UVRAG: variants seen among roughly 807,000 people sequenced by gnomAD.
UVRAG encodes UV radiation resistance-associated gene protein.
Under a neutral mutation model 78.0 loss-of-function variants are expected in UVRAG, and 19 were observed. That is an observed-to-expected ratio of 0.24 (90% confidence interval 0.17 to 0.36). UVRAG has a LOEUF of 0.36. Among genes scored for constraint, UVRAG ranks in the 10% least tolerant of loss-of-function variants. The probability of loss-of-function intolerance (pLI) is 1.00; values close to 1 mark genes in which losing one functional copy is unlikely to be tolerated. For missense variants in UVRAG, 740 were observed against 853.8 expected, an observed-to-expected ratio of 0.87 and a Z score of 1.66; for synonymous variants, 323 against 324.6, an observed-to-expected ratio of 1.00 and a Z score of 0.05.
At chr11:75,917,100 T>C (rs1027758203) in intron 6 of UVRAG, among the ~76,000 whole-genome samples, 4 of 152,222 alleles carry the variant, frequency 2.6e-5, no homozygotes, top group African/African-American at 9.6e-5. Flanking sequence ...AGGAAGGGAC[T>C]GTTATCATCT....
rs1952725008 is a variant in UVRAG, at chr11:76,141,597, ATT to A, written c.*187_*188del. ...ATTGTTATCAGTGGGCCAAAGTTAG[ATT>A]TTGCTTTCAAGATTTGCTTTTCGGG... On this transcript the variant is annotated 3_prime_UTR_variant, in exon 15 of 15. Coordinates refer to ENST00000356136, the MANE Select transcript of UVRAG (RefSeq NM_003369.4). 1 of 685,110 alleles carries A rather than the reference ATT, an allele frequency of 1.5e-6. No homozygotes were observed. Among genetic ancestry groups the A allele is most frequent in the Non-Finnish European group, 2.3e-6 (1 of 427,320 alleles). 42.4% of individuals were successfully genotyped at this position (685,110 alleles called of 1,614,324 possible).
chr11:76,127,209 G>A (rs185408578), intron 14 of UVRAG, among the ~76,000 whole-genome samples: 8 of 152,202 alleles, frequency 5.3e-5, no homozygotes, highest in African/African-American at 1.7e-4. Context: ...TGTGGATTTC[G>A]GTAATGTCTG....
chr11:75,880,915 CTTTT>C (rs1036399198), intron 4 of UVRAG, among the ~76,000 whole-genome samples: 2 of 112,142 alleles, frequency 1.8e-5, no homozygotes, highest in African/African-American at 6.5e-5. Flanking sequence ...TTCTTCCTTT[CTTTT>C]ATTTACTTCT....
chr11:76,076,708 A>G (rs926577790), intron 13 of UVRAG, among the ~76,000 whole-genome samples: 1 of 152,044 alleles, frequency 6.6e-6, no homozygotes, highest in Non-Finnish European at 1.5e-5. Context: ...AATGATGTTG[A>G]GTGTCATTAC....
Position 75,961,568 on chromosome 11 carries a change from A to G in UVRAG, c.699+19A>G, listed in dbSNP as rs2135203419. The G allele has an allele frequency of 6.5e-7, 1 of 1,543,154 alleles. No homozygotes were observed. Among genetic ancestry groups the G allele is most frequent in the Non-Finnish European group, 8.7e-7 (1 of 1,143,664 alleles). The stretch of plus-strand genomic sequence containing the variant: ...TGAACTGGTAGGTTTTTATGTATTT[A>G]CCTGTTTACACTTCTTGTTTTCTAA... On this transcript the variant is annotated intron_variant, in intron 7 of 14. Transcript: ENST00000356136.
chr11:75,949,714 T>TAC lies in UVRAG; in HGVS notation c.594-11714_594-11713dup, dbSNP rs1555093473. Among the ~76,000 whole-genome samples the TAC allele has an allele frequency of 9.1e-3, 1,246 of 136,854 alleles. 7 individuals carry two copies. Among genetic ancestry groups the TAC allele is most frequent in the South Asian group, 0.032 (141 of 4,432 alleles). The allele number at this position is 136,854 out of a possible 152,430, so 89.8% of individuals were successfully genotyped here. On this transcript the variant is annotated intron_variant, in intron 6 of 14. Transcript: ENST00000356136. The stretch of plus-strand genomic sequence containing the variant: ...ATACATATATATATATATATATATA[T>TAC]ACACACACACACACACATATACACA...
intron 3 of UVRAG, among the ~76,000 whole-genome samples, chr11:75,877,593 CT>C (rs1946825815): frequency 7.1e-6 from 1 of 140,336 alleles, no homozygotes; most frequent in South Asian, 2.4e-4. Context: ...TACGGGTCGG[CT>C]GGCCGGGCGG....
intron 13 of UVRAG, among the ~76,000 whole-genome samples, chr11:76,074,361 T>C (rs755334932): frequency 1.3e-5 from 2 of 152,202 alleles, no homozygotes; most frequent in Non-Finnish European, 2.9e-5. Context: ...ACCTACCAAT[T>C]TGCATTCCAG....
Position 76,143,729 on chromosome 11 carries a change from C to T in UVRAG, c.*2316C>T, listed in dbSNP as rs1485311754. On this transcript the variant is annotated 3_prime_UTR_variant, in exon 15 of 15. Transcript: ENST00000356136. ...TCCTGGAATAACTGTTTGACGTTTT[C>T]CAAAGTTGTAGAGTTAGTATGGCCT... Among the ~76,000 whole-genome samples, 1 of 152,174 alleles carries T rather than the reference C, an allele frequency of 6.6e-6. No individual in the cohort carries two copies. The highest frequency in any genetic ancestry group is 1.5e-5 in the Non-Finnish European group (1 of 68,020).
At chr11:75,856,847 A>T (rs1300972555) in intron 2 of UVRAG, among the ~76,000 whole-genome samples, 1 of 152,166 alleles carries the variant, frequency 6.6e-6, no homozygotes, top group Non-Finnish European at 1.5e-5. Context: ...TCTAGTAGGT[A>T]ACTTAAACTT....
intron 12 of UVRAG, among the ~76,000 whole-genome samples, chr11:76,022,013 C>T (rs1043353776): frequency 2.0e-4 from 30 of 152,090 alleles, no homozygotes; most frequent in Admixed American, 1.8e-3. Flanking sequence ...AAGATTGCAG[C>T]ACTGCATTCC....
intron 7 of UVRAG, among the ~76,000 whole-genome samples, chr11:75,973,010 C>G (rs747177767): frequency 1.3e-5 from 2 of 152,202 alleles, no homozygotes; most frequent in African/African-American, 2.4e-5. Flanking sequence ...TCTTCTTTCC[C>G]AACACGTGTA....
chr11:75,833,427 A>C (rs1314156520), intron 1 of UVRAG, among the ~76,000 whole-genome samples: 1 of 152,214 alleles, frequency 6.6e-6, no homozygotes, highest in Non-Finnish European at 1.5e-5. Context: ...AATCATTTAA[A>C]GTTGTTACAT....
chr11:76,086,722 C>G (rs1028041276), intron 13 of UVRAG, among the ~76,000 whole-genome samples: 2 of 152,156 alleles, frequency 1.3e-5, no homozygotes, highest in African/African-American at 4.8e-5. Flanking sequence ...AAAATCTAGA[C>G]AGACAAATTG....
intron 12 of UVRAG, among the ~76,000 whole-genome samples, chr11:76,030,638 C>T (rs1950418565): frequency 6.6e-6 from 1 of 152,178 alleles, no homozygotes; most frequent in Non-Finnish European, 1.5e-5. Flanking sequence ...GTTTTCCAAA[C>T]ACATCACAGT....
chr11:75,883,401 GA>G (rs1156931133), intron 4 of UVRAG, among the ~76,000 whole-genome samples: 2 of 139,492 alleles, frequency 1.4e-5, no homozygotes, highest in Non-Finnish European at 3.1e-5. Flanking sequence ...AAAAAAAAAA[GA>G]AAAAACATGT....
At chr11:76,003,859 T>C in intron 8 of UVRAG, 146 bp from the exon 9 acceptor site, 2 of 665,618 alleles carry the variant, frequency 3.0e-6, no homozygotes, top group Non-Finnish European at 5.2e-6. Flanking sequence ...TTCTAGCTAC[T>C]CTCCCCAAAA....
intron 1 of UVRAG, among the ~76,000 whole-genome samples, chr11:75,847,537 G>T (rs1254646587): frequency 6.6e-6 from 1 of 152,074 alleles, no homozygotes; most frequent in Admixed American, 6.5e-5. Flanking sequence ...CTCCCAAAGT[G>T]CTGGGATTAC....
At position 76,032,717 on chromosome 11, in the gene UVRAG, G is replaced by A. The variant is rs926696045; in HGVS notation, c.1226+15737G>A. On this transcript the variant is annotated intron_variant, in intron 12 of 14. Transcript: ENST00000356136. ...GATGAGATGGCCCCTAAGCATCTGAGCTGCTGAGTATGGAATAGGATTAGG... is the reference window on the plus strand; with the variant it reads ...GATGAGATGGCCCCTAAGCATCTGAACTGCTGAGTATGGAATAGGATTAGG... 2.0e-5 allele frequency among the ~76,000 whole-genome samples: 3 copies of A among 152,192 alleles called. No individual in the cohort carries two copies. In the East Asian group the frequency reaches 5.8e-4, roughly 29 times the overall value.
Sources: gnomAD v4.1 joint callset for allele counts (sites outside exome capture counted in the v4.1 genomes callset) on GRCh38, gnomAD v4.1.1 for gene constraint, MANE v1.5 for transcripts, NCBI Gene and HGNC (gene_info 2026-07-23, HGNC 2026-07-21) for gene names.